KIAA1217: variants seen among roughly 807,000 people sequenced by gnomAD.
The protein encoded by KIAA1217 is sickle tail protein homolog.
In KIAA1217, 88 loss-of-function variants were observed where a neutral mutation model predicts 163.9. That is an observed-to-expected ratio of 0.54 (90% CI 0.45 to 0.64). The LOEUF is 0.64. Among genes scored for constraint, KIAA1217 ranks in the 30% least tolerant of loss-of-function variants. The pLI is 0.00. For synonymous variants in KIAA1217, 903 were observed against 923.1 expected (o/e 0.98, Z 0.39); for missense variants, 2,372 against 2,475.0 (o/e 0.96, Z 0.88).
At chr10:24,439,273 T>TACACACAC (rs143903256) in intron 5 of KIAA1217, among the ~76,000 whole-genome samples, 10 of 151,058 alleles carry the variant, frequency 6.6e-5, no homozygotes, top group African/African-American at 2.4e-4. Context: ...GTACACCCCC[T>TACACACAC]ACACACACAC....
rs529468325 is a variant in KIAA1217, at chr10:24,040,300, C to T, written c.-171+32926C>T. 3.3e-5 allele frequency among the ~76,000 whole-genome samples: 5 copies of T among 152,328 alleles called. No homozygotes were observed. The South Asian group carries it at 1.0e-3, about 32-fold the overall frequency. The stretch of plus-strand genomic sequence containing the variant: ...GTGGGTGGAGAATCCTGACTGGTTC[C>T]TCTCTCCTCCATCCCTGCACAATTG... On this transcript the variant is annotated intron_variant, in intron 2 of 18. Coordinates refer to the KIAA1217 transcript ENST00000376462.
At chr10:24,265,520 C>T (rs917076794) in intron 2 of KIAA1217, among the ~76,000 whole-genome samples, 2 of 152,066 alleles carry the variant, frequency 1.3e-5, no homozygotes, top group Admixed American at 6.6e-5. Context: ...AACAAAGGCT[C>T]TTCATTCTTG....
intron 1 of KIAA1217, among the ~76,000 whole-genome samples, chr10:23,718,192 CCT>C (rs1163805660): frequency 6.6e-6 from 1 of 152,138 alleles, no homozygotes; most frequent in Non-Finnish European, 1.5e-5. Flanking sequence ...ATGTGAATTT[CCT>C]CTCTTTTTAC....
At chr10:23,807,697 C>G (rs1227950404) in intron 1 of KIAA1217, among the ~76,000 whole-genome samples, 2 of 152,070 alleles carry the variant, frequency 1.3e-5, no homozygotes, top group East Asian at 3.9e-4. Flanking sequence ...ACAGCCACAT[C>G]AAAAAAGTAT....
chr10:24,264,055 C>T (rs987000022), intron 2 of KIAA1217, among the ~76,000 whole-genome samples: 2 of 151,986 alleles, frequency 1.3e-5, no homozygotes, highest in East Asian at 1.9e-4. Flanking sequence ...GATGGGGTTT[C>T]GCCACGTTGG....
intron 2 of KIAA1217, among the ~76,000 whole-genome samples, chr10:24,187,121 C>A (rs2066471129): frequency 8.2e-6 from 1 of 121,936 alleles, no homozygotes; most frequent in Non-Finnish European, 1.8e-5. Flanking sequence ...GACCATTGTC[C>A]ATCGGAGCTG....
chr10:24,249,886 C>T (rs1053639416), intron 2 of KIAA1217, among the ~76,000 whole-genome samples: 6 of 152,162 alleles, frequency 3.9e-5, no homozygotes, highest in Non-Finnish European at 8.8e-5. Flanking sequence ...CTAAGGTGTG[C>T]GCTGTGAAAC....
At chr10:23,865,022 C>T (rs1388834788) in intron 1 of KIAA1217, among the ~76,000 whole-genome samples, 3 of 152,150 alleles carry the variant, frequency 2.0e-5, no homozygotes, top group African/African-American at 7.2e-5. Flanking sequence ...TCTAAAAATA[C>T]TTTCACAGCA....
chr10:24,488,603 A>G (rs1179129602), intron 6 of KIAA1217, among the ~76,000 whole-genome samples: 4 of 152,344 alleles, frequency 2.6e-5, no homozygotes, highest in East Asian at 1.9e-4. Flanking sequence ...TTTTCCACCA[A>G]TAGGTTAACT....
rs1564492356 is a variant in KIAA1217 at position 24,335,611 on chromosome 10, T to TATTTATTTATTTATTC, written c.355-45243_355-45242insCATTTATTTATTTATT. Among the ~76,000 whole-genome samples the TATTTATTTATTTATTC allele has an allele frequency of 2.8e-5, 4 of 145,374 alleles. No homozygotes were observed. The South Asian group carries it at 9.1e-4, about 33-fold the overall frequency. ...TTATTTATTTATTTATTTATTTATTTATTTATTTATTTATTGGAGATGGAG... is the reference window on the plus strand; with the variant it reads ...TTATTTATTTATTTATTTATTTATTTATTTATTTATTTATTCATTTATTTATTTATTGGAGATGGAG... On this transcript the variant is annotated intron_variant, in intron 2 of 20. Transcript: ENST00000376454.
intron 6 of KIAA1217, among the ~76,000 whole-genome samples, chr10:24,476,635 C>G (rs1038846144): frequency 1.3e-5 from 2 of 152,108 alleles, no homozygotes; most frequent in African/African-American, 4.8e-5. Flanking sequence ...TGTAATTTTA[C>G]ATGTTCACAT....
At chr10:24,010,708 G>A (rs1298738884) in intron 2 of KIAA1217, among the ~76,000 whole-genome samples, 4 of 149,470 alleles carry the variant, frequency 2.7e-5, no homozygotes, top group African/African-American at 5.0e-5. Context: ...AAAAAAAAAA[G>A]GGAACTTTAA....
At chr10:24,330,470 A>T (rs887637613) in intron 2 of KIAA1217, among the ~76,000 whole-genome samples, 1 of 152,312 alleles carries the variant, frequency 6.6e-6, no homozygotes, top group East Asian at 1.9e-4. Flanking sequence ...AACCTTTGCA[A>T]GCACTTTTGA....
intron 1 of KIAA1217, among the ~76,000 whole-genome samples, chr10:23,758,809 C>G (rs1213318273): frequency 6.6e-6 from 1 of 151,212 alleles, no homozygotes; most frequent in Non-Finnish European, 1.5e-5. Context: ...ACCTTAGCCT[C>G]CCAAGTAGCT....
chr10:24,211,595 T>G (rs11013969), intron 1 of KIAA1217, among the ~76,000 whole-genome samples: 1,811 of 139,390 alleles, frequency 0.013, 25 homozygotes, highest in African/African-American at 0.034. Context: ...GTATTGTATT[T>G]TATTTTATTT....
intron 3 of KIAA1217, among the ~76,000 whole-genome samples, chr10:24,383,663 A>G (rs996802061): frequency 4.6e-5 from 7 of 152,154 alleles, no homozygotes; most frequent in Non-Finnish European, 7.3e-5. Context: ...CTACTCCTGG[A>G]TAGAAACAAA....
intron 2 of KIAA1217, among the ~76,000 whole-genome samples, chr10:24,266,516 C>A (rs1281275841): frequency 6.6e-6 from 1 of 152,148 alleles, no homozygotes; most frequent in Non-Finnish European, 1.5e-5. Context: ...GAGAGCTTTT[C>A]TGTCTTATAA....
At chr10:24,383,660 T>C (rs899739013) in intron 3 of KIAA1217, among the ~76,000 whole-genome samples, 6 of 152,192 alleles carry the variant, frequency 3.9e-5, no homozygotes, top group African/African-American at 1.4e-4. Context: ...TCACTACTCC[T>C]GGATAGAAAC....
intron 20 of KIAA1217, chr10:24,545,415 G>C (rs1290865139): frequency 7.7e-7 from 1 of 1,303,484 alleles, no homozygotes. Context: ...GGGAAGCAGA[G>C]ACAAACCAAC....
Sources: gnomAD v4.1 joint callset for allele counts (sites outside exome capture counted in the v4.1 genomes callset) on GRCh38, gnomAD v4.1.1 for gene constraint, MANE v1.5 for transcripts, NCBI Gene and HGNC (gene_info 2026-07-23, HGNC 2026-07-21) for gene names.